MEGF10: variants seen among roughly 807,000 people sequenced by gnomAD.
MEGF10 encodes the protein multiple epidermal growth factor-like domains protein 10.
A neutral mutation model predicts 147.5 loss-of-function variants in MEGF10; 86 were observed. The observed-to-expected ratio is 0.58, with a 90% CI of 0.49 to 0.70. The LOEUF (loss-of-function observed/expected upper bound fraction) is 0.70, where lower values mean the gene tolerates loss of function less well. Among genes scored for constraint, MEGF10 ranks in the 30% least tolerant of loss-of-function variants. The pLI, the probability that MEGF10 is intolerant of heterozygous loss-of-function variation, is 0.00. For missense variants in MEGF10, 1,329 were observed against 1,487.3 expected, an observed-to-expected ratio of 0.89 and a Z score of 1.75; for synonymous variants, 478 against 525.5, an observed-to-expected ratio of 0.91 and a Z score of 1.24.
intron 18 of MEGF10, 67 bp from the exon 19 acceptor site, chr5:127,442,931 G>C: frequency 6.5e-7 from 1 of 1,535,016 alleles, no homozygotes; most frequent in South Asian, 1.2e-5. Flanking sequence ...TGCAGGGCTT[G>C]CAGTCAGAGA....
chr5:127,427,174 C>T (rs1160513333), intron 13 of MEGF10, among the ~76,000 whole-genome samples: 1 of 152,168 alleles, frequency 6.6e-6, no homozygotes, highest in East Asian at 1.9e-4. Flanking sequence ...GTGGCTTTGT[C>T]TGCCCTGGTG....
At chr5:127,295,197 A>AT (rs1321653113) in intron 1 of MEGF10, among the ~76,000 whole-genome samples, 1 of 152,196 alleles carries the variant, frequency 6.6e-6, no homozygotes, top group African/African-American at 2.4e-5. Context: ...AAGCCTACAT[A>AT]TTATAGGGGA....
chr5:127,250,638 T>A, the MEGF10 span, among the ~76,000 whole-genome samples: 1 of 151,934 alleles, frequency 6.6e-6, no homozygotes, highest in Non-Finnish European at 1.5e-5. Context: ...CTTTTAACCT[T>A]GTAATAGAGG....
the MEGF10 span, among the ~76,000 whole-genome samples, chr5:127,237,011 G>A: frequency 6.6e-6 from 1 of 152,134 alleles, no homozygotes; most frequent in Non-Finnish European, 1.5e-5. Flanking sequence ...ATTCCATATT[G>A]ACTTCCTATT....
intron 5 of MEGF10, among the ~76,000 whole-genome samples, chr5:127,382,015 C>A (rs950764511): frequency 2.6e-5 from 4 of 152,330 alleles, no homozygotes; most frequent in Middle Eastern, 3.4e-3. Flanking sequence ...ATGGCTATAT[C>A]TGATATCTTA....
At position 127,310,045 on chromosome 5, in the gene MEGF10, T is replaced by C. The variant is rs1363961268; in HGVS notation, c.-19+18989T>C. Among the ~76,000 whole-genome samples, 132 of 99,618 alleles carry C rather than the reference T, an allele frequency of 1.3e-3. 8 individuals are homozygous for C. The highest frequency in any genetic ancestry group is 6.0e-3 in the Middle Eastern group (1 of 168). The allele number at this position is 99,618 out of a possible 152,430, so 65.4% of individuals were successfully genotyped here. A position where few individuals can be genotyped will look rare whatever the true frequency, so the allele number is the denominator to read the frequency against. On this transcript the variant is annotated intron_variant, in intron 1 of 24. Coordinates refer to ENST00000503335, the MANE Select transcript of MEGF10 (RefSeq NM_001256545.2). ...TTCTTTCTTTCTTTCCTTCTTTCTTTATTTCTTTCTTTCTTTCTTTCTCTC... is the reference window on the plus strand; with the variant it reads ...TTCTTTCTTTCTTTCCTTCTTTCTTCATTTCTTTCTTTCTTTCTTTCTCTC...
At chr5:127,420,238 C>T (rs779592879) in intron 12 of MEGF10, 31 bp downstream of exon 12, 6 of 1,606,274 alleles carry the variant, frequency 3.7e-6, no homozygotes, top group East Asian at 2.2e-5. Flanking sequence ...TGACGGAAAA[C>T]GCCTATGAGG....
intron 1 of MEGF10, among the ~76,000 whole-genome samples, chr5:127,321,798 C>A (rs1029317855): frequency 1.3e-5 from 2 of 152,082 alleles, no homozygotes; most frequent in Non-Finnish European, 2.9e-5. Context: ...GAGAGAGGGA[C>A]CTTGCCTGTA....
At chr5:127,261,112 C>T in the MEGF10 span, among the ~76,000 whole-genome samples, 7,105 of 152,222 alleles carry the variant, frequency 0.047, 264 homozygotes, top group African/African-American at 0.1. Flanking sequence ...ATATAACATA[C>T]AATCCAATCA....
upstream of MEGF10, among the ~76,000 whole-genome samples, chr5:127,287,556 C>G (rs1759067437): frequency 6.6e-6 from 1 of 151,812 alleles, no homozygotes; most frequent in African/African-American, 2.4e-5. Flanking sequence ...ATGTTCAAAG[C>G]TACAAAATAT....
intron 5 of MEGF10, among the ~76,000 whole-genome samples, chr5:127,372,028 G>A (rs1479477828): frequency 6.6e-6 from 1 of 152,192 alleles, no homozygotes; most frequent in African/African-American, 2.4e-5. Context: ...TCAACCTAAT[G>A]TCAGGAAATG....
At chr5:127,264,810 C>T in the MEGF10 span, among the ~76,000 whole-genome samples, 3 of 151,978 alleles carry the variant, frequency 2.0e-5, no homozygotes, top group Admixed American at 2.0e-4. Context: ...TTTAAAATTT[C>T]CAACTTTTTT....
intron 22 of MEGF10, among the ~76,000 whole-genome samples, chr5:127,454,111 G>A (rs1766264600): frequency 6.6e-6 from 1 of 152,200 alleles, no homozygotes; most frequent in East Asian, 1.9e-4. Flanking sequence ...AGTCAACAGT[G>A]TTCGAAGCTT....
intron 4 of MEGF10, among the ~76,000 whole-genome samples, chr5:127,352,202 A>G (rs1438315662): frequency 1.3e-5 from 2 of 152,168 alleles, no homozygotes; most frequent in South Asian, 2.1e-4. Context: ...TGCTGTCCAG[A>G]CAGGTTGTAA....
At chr5:127,240,539 G>C in the MEGF10 span, among the ~76,000 whole-genome samples, 1 of 152,138 alleles carries the variant, frequency 6.6e-6, no homozygotes, top group Non-Finnish European at 1.5e-5. Context: ...CAAAAGGACA[G>C]GTGATTGTCT....
chr5:127,446,923 G>A lies in MEGF10; in HGVS notation c.2729-634G>A, dbSNP rs565978485. Among the ~76,000 whole-genome samples the A allele has an allele frequency of 2.8e-4, 43 of 152,298 alleles. No individual in the cohort carries two copies. In the South Asian group the frequency reaches 8.5e-3, roughly 30 times the overall value. On this transcript the variant is annotated intron_variant, in intron 20 of 24. Coordinates refer to ENST00000503335, the MANE Select transcript of MEGF10 (RefSeq NM_001256545.2). ...GGTTTTCAGGGAACTCAGAGTACAG[G>A]TGTGATCCTTAGTCAGCAAAGGCCT...
intron 5 of MEGF10, among the ~76,000 whole-genome samples, chr5:127,393,754 G>A (rs543415765): frequency 1.3e-5 from 2 of 152,044 alleles, no homozygotes; most frequent in South Asian, 4.2e-4. Context: ...TTTCTATGCT[G>A]ATAGTTATCA....
At chr5:127,326,619 T>G (rs1192799101) in intron 1 of MEGF10, among the ~76,000 whole-genome samples, 1 of 152,184 alleles carries the variant, frequency 6.6e-6, no homozygotes, top group East Asian at 1.9e-4. Flanking sequence ...AGGAAGAACT[T>G]AGCACACTGC....
At chr5:127,263,981 C>T in the MEGF10 span, among the ~76,000 whole-genome samples, 1 of 152,096 alleles carries the variant, frequency 6.6e-6, no homozygotes, top group African/African-American at 2.4e-5. Flanking sequence ...AATTCACAGC[C>T]ACTGTTTTGG....
Sources: gnomAD v4.1 joint callset for allele counts (sites outside exome capture counted in the v4.1 genomes callset) on GRCh38, gnomAD v4.1.1 for gene constraint, MANE v1.5 for transcripts, NCBI Gene and HGNC (gene_info 2026-07-23, HGNC 2026-07-21) for gene names.